Variants in ARHGEF26 observed in about 807,000 individuals in gnomAD.
ARHGEF26 encodes Rho guanine nucleotide exchange factor (GEF) 26.
In ARHGEF26, 59 loss-of-function variants were observed where a neutral mutation model predicts 89.4. That is an observed-to-expected ratio of 0.66 (90% CI 0.54 to 0.82). ARHGEF26 has a LOEUF of 0.82. ARHGEF26 is among the 40% of genes least tolerant of loss of function. The pLI is 0.00. For missense variants in ARHGEF26, 1,234 were observed against 1,085.6 expected, an observed-to-expected ratio of 1.14 and a Z score of -1.92; for synonymous variants, 500 against 428.4, an observed-to-expected ratio of 1.17 and a Z score of -2.06.
At position 154,121,954 on chromosome 3, in the gene ARHGEF26, C is replaced by T. The variant is rs915372962; in HGVS notation, c.-39C>T. The T allele has an allele frequency of 2.6e-6, 4 of 1,549,004 alleles. No homozygotes were observed. Among genetic ancestry groups the T allele is most frequent in the East Asian group, 2.3e-5 (1 of 44,038 alleles). ...CTTTCCTCTTTAGGCAAGACTAACTCGGTGTTGCTCCTCCCGGCGCTGACT... is the reference window on the plus strand; with the variant it reads ...CTTTCCTCTTTAGGCAAGACTAACTTGGTGTTGCTCCTCCCGGCGCTGACT... On this transcript the variant is annotated 5_prime_UTR_variant, in exon 2 of 15. Transcript: ENST00000465093.
intron 4 of ARHGEF26, among the ~76,000 whole-genome samples, chr3:154,135,257 C>T (rs1008949423): frequency 6.6e-6 from 1 of 152,000 alleles, no homozygotes; most frequent in African/African-American, 2.4e-5. Flanking sequence ...TTTCAGAAAT[C>T]GTGATTGGTC....
chr3:154,190,725 A>G (rs1441497211), intron 7 of ARHGEF26, among the ~76,000 whole-genome samples: 1 of 152,184 alleles, frequency 6.6e-6, no homozygotes, highest in Non-Finnish European at 1.5e-5. Flanking sequence ...CAGCATTAAT[A>G]CTTTTCTTGC....
chr3:154,190,115 C>T lies in ARHGEF26; in HGVS notation c.1641-1174C>T, dbSNP rs572105709. Among the ~76,000 whole-genome samples, 3 of 152,182 alleles carry T rather than the reference C, an allele frequency of 2.0e-5. No individual in the cohort carries two copies. In the East Asian group the frequency reaches 5.8e-4, roughly 29 times the overall value. ...ATCCATCTACCTCCTACCCTCCTTG[C>T]CTTGGAAAGTGGCAGTGGAACTCTA... On this transcript the variant is annotated intron_variant, in intron 7 of 14. Transcript: ENST00000465093.
At chr3:154,246,515 T>C (rs1196297279) in intron 12 of ARHGEF26, among the ~76,000 whole-genome samples, 1 of 152,234 alleles carries the variant, frequency 6.6e-6, no homozygotes, top group Non-Finnish European at 1.5e-5. Flanking sequence ...AATTTATTTT[T>C]ACTGTATTTC....
chr3:154,175,405 T>C (rs1217912385), intron 6 of ARHGEF26, among the ~76,000 whole-genome samples: 2 of 151,538 alleles, frequency 1.3e-5, no homozygotes, highest in Admixed American at 1.3e-4. Context: ...CCCTCTTCTT[T>C]TTCTACGGTT....
intron 9 of ARHGEF26, among the ~76,000 whole-genome samples, chr3:154,204,139 T>C (rs1714848700): frequency 6.6e-6 from 1 of 152,066 alleles, no homozygotes; most frequent in African/African-American, 2.4e-5. Context: ...TTTGCTTTAC[T>C]GGGAGACTTG....
Position 154,239,019 on chromosome 3 carries a change from G to A in ARHGEF26, c.2091-1351G>A, listed in dbSNP as rs1334814822. On this transcript the variant is annotated intron_variant, in intron 11 of 14. Transcript: ENST00000465093. ...TTAGAGGAGGTGAGTTGGAAAGAAA[G>A]GCCATGCTGGTTAGAGAGTGGTATG... 2.0e-5 allele frequency among the ~76,000 whole-genome samples: 3 copies of A among 152,208 alleles called. No homozygotes were observed. In the East Asian group the frequency reaches 5.8e-4, roughly 29 times the overall value.
intron 9 of ARHGEF26, among the ~76,000 whole-genome samples, chr3:154,200,415 C>T (rs1203370075): frequency 6.6e-6 from 1 of 151,980 alleles, no homozygotes; most frequent in Non-Finnish European, 1.5e-5. Context: ...CTCCACTGGC[C>T]TATGTGTCTG....
intron 11 of ARHGEF26, among the ~76,000 whole-genome samples, chr3:154,239,004 T>G: frequency 6.6e-6 from 1 of 151,254 alleles, no homozygotes; most frequent in East Asian, 1.9e-4. Context: ...TTAGAGGAGG[T>G]GAGTTGGAAA....
At chr3:154,149,306 C>T in intron 4 of ARHGEF26, 83 bp from the exon 5 acceptor site, 1 of 1,010,320 alleles carries the variant, frequency 9.9e-7, no homozygotes, top group Non-Finnish European at 1.5e-6. Context: ...TTTTGAAGGG[C>T]ATAGAGTTAT....
Position 154,152,764 on chromosome 3 carries a change from C to T in ARHGEF26, c.1327-8C>T. 2.1e-6 allele frequency: 3 copies of T among 1,455,800 alleles called. No homozygotes were observed. Among genetic ancestry groups the T allele is most frequent in the Non-Finnish European group, 1.8e-6 (2 of 1,102,380 alleles). 90.2% of individuals were successfully genotyped at this position (1,455,800 alleles called of 1,614,324 possible). ...ATTAATAATACATTTCTTTTTCCTT[C>T]TTACCAGGCTATCTTTGAAGTCATA... On this transcript the variant is annotated splice_region_variant and splice_polypyrimidine_tract_variant and intron_variant, in intron 5 of 14. Transcript: ENST00000465093.
chr3:154,223,636 A>G (rs1716277454), intron 10 of ARHGEF26, among the ~76,000 whole-genome samples: 1 of 152,208 alleles, frequency 6.6e-6, no homozygotes, highest in Admixed American at 6.5e-5. Context: ...CATCCAGTAT[A>G]GACAAATCCA....
intron 6 of ARHGEF26, among the ~76,000 whole-genome samples, chr3:154,169,138 C>T (rs1175960955): frequency 1.3e-5 from 2 of 152,052 alleles, no homozygotes. Flanking sequence ...CCCACAGTCA[C>T]CCAAGCACTC....
At chr3:154,141,467 C>T (rs1041944077) in intron 4 of ARHGEF26, among the ~76,000 whole-genome samples, 2 of 152,176 alleles carry the variant, frequency 1.3e-5, no homozygotes, top group African/African-American at 4.8e-5. Flanking sequence ...CCATGATGTA[C>T]TATGGCACAA....
chr3:154,217,349 G>A (rs1715827423), intron 9 of ARHGEF26, among the ~76,000 whole-genome samples: 2 of 151,956 alleles, frequency 1.3e-5, no homozygotes, highest in South Asian at 2.1e-4. Flanking sequence ...AGAAGTGTCT[G>A]TTCATGTCCT....
intron 9 of ARHGEF26, among the ~76,000 whole-genome samples, chr3:154,212,961 A>G (rs1324684998): frequency 2.6e-5 from 4 of 152,146 alleles, no homozygotes; most frequent in Non-Finnish European, 5.9e-5. Flanking sequence ...ACATCTAACC[A>G]TTTCTAAAGA....
chr3:154,157,835 A>G (rs766032703), intron 6 of ARHGEF26, among the ~76,000 whole-genome samples: 2 of 152,122 alleles, frequency 1.3e-5, no homozygotes, highest in Non-Finnish European at 2.9e-5. Context: ...TGCCTGGAAC[A>G]TGAGAGTAAG....
intron 6 of ARHGEF26, among the ~76,000 whole-genome samples, chr3:154,186,202 A>G (rs970370343): frequency 1.3e-5 from 2 of 151,396 alleles, no homozygotes; most frequent in Non-Finnish European, 2.9e-5. Context: ...CAGTGTGGTT[A>G]AAATTCCACT....
rs750294042 is a variant in ARHGEF26, at chr3:154,124,471, C to T, written c.1123+22C>T. ...GAAGGTAAGCATTTAATTTTCCAAA[C>T]TTTCATTGCTGTTTCAATGTGGAAT... On this transcript the variant is annotated intron_variant, in intron 3 of 14. Transcript: ENST00000465093. 5 of 1,484,128 alleles carry T rather than the reference C, an allele frequency of 3.4e-6. No individual in the cohort carries two copies. The East Asian group carries it at 1.4e-4, about 41-fold the overall frequency. The allele number at this position is 1,484,128 out of a possible 1,614,324, so 91.9% of individuals were successfully genotyped here. A position where few individuals can be genotyped will look rare whatever the true frequency, so the allele number is the denominator to read the frequency against.
Sources: gnomAD v4.1 joint callset for allele counts (sites outside exome capture counted in the v4.1 genomes callset) on GRCh38, gnomAD v4.1.1 for gene constraint, MANE v1.5 for transcripts, NCBI Gene and HGNC (gene_info 2026-07-23, HGNC 2026-07-21) for gene names.